Variants in SNTG1 observed in about 807,000 individuals in gnomAD.
SNTG1 encodes syntrophin gamma 1.
A neutral mutation model predicts 74.7 loss-of-function variants in SNTG1; 39 were observed. That is an observed-to-expected ratio of 0.52 (90% CI 0.40 to 0.68). The LOEUF (loss-of-function observed/expected upper bound fraction) is 0.68. Among genes scored for constraint, SNTG1 ranks in the 30% least tolerant of loss-of-function variants. The pLI, the probability that SNTG1 is intolerant of heterozygous loss-of-function variation, is 0.00. For synonymous variants in SNTG1, 254 were observed against 217.1 expected, an observed-to-expected ratio of 1.17 and a Z score of -1.49; for missense variants, 685 against 609.5, an observed-to-expected ratio of 1.12 and a Z score of -1.30.
intron 8 of SNTG1, among the ~76,000 whole-genome samples, chr8:50,485,805 T>A (rs1158522821): frequency 1.3e-5 from 2 of 150,628 alleles, no homozygotes; most frequent in African/African-American, 2.4e-5. Flanking sequence ...TGGTTTTAGG[T>A]CTAACGTTTA....
intron 13 of SNTG1, among the ~76,000 whole-genome samples, chr8:50,610,976 C>CG: frequency 6.6e-6 from 1 of 151,290 alleles, no homozygotes; most frequent in African/African-American, 2.4e-5. Context: ...TAAGAAATAG[C>CG]AAAAAAAAAT....
At chr8:50,241,934 C>A (rs953971002) in intron 2 of SNTG1, among the ~76,000 whole-genome samples, 2 of 151,940 alleles carry the variant, frequency 1.3e-5, no homozygotes, top group African/African-American at 4.8e-5. Flanking sequence ...GTTCTCACTG[C>A]AAACACTAAA....
intron 2 of SNTG1, among the ~76,000 whole-genome samples, chr8:50,357,976 GT>G (rs144014954): frequency 7.9e-5 from 12 of 151,156 alleles, no homozygotes; most frequent in African/African-American, 1.7e-4. Context: ...CCCTTTTTGT[GT>G]TTTTTTTTAC....
intron 9 of SNTG1, among the ~76,000 whole-genome samples, chr8:50,522,256 A>G (rs1271664368): frequency 6.6e-6 from 1 of 152,094 alleles, no homozygotes; most frequent in Admixed American, 6.6e-5. Context: ...GTCCAGGAAC[A>G]TTGTCAGTAA....
chr8:50,647,833 T>C (rs1237744061), intron 13 of SNTG1, among the ~76,000 whole-genome samples: 1 of 152,164 alleles, frequency 6.6e-6, no homozygotes, highest in East Asian at 1.9e-4. Flanking sequence ...ATTCTCCTTT[T>C]AATTCTACTT....
intron 1 of SNTG1, among the ~76,000 whole-genome samples, chr8:49,966,477 C>T (rs571784911): frequency 1.4e-4 from 21 of 151,978 alleles, no homozygotes; most frequent in Non-Finnish European, 1.5e-5. Context: ...TCACTGCAAC[C>T]TCAGCCTCCC....
chr8:50,512,276 G>A (rs1046855378), intron 9 of SNTG1, among the ~76,000 whole-genome samples: 7 of 151,780 alleles, frequency 4.6e-5, no homozygotes, highest in East Asian at 1.9e-4. Context: ...AGTTTCCACC[G>A]AGAGATCAGC....
intron 2 of SNTG1, among the ~76,000 whole-genome samples, chr8:50,285,618 C>T (rs2088726242): frequency 6.6e-6 from 1 of 152,050 alleles, no homozygotes; most frequent in African/African-American, 2.4e-5. Context: ...TCATTCATGT[C>T]TGTTTATCCA....
At chr8:50,101,886 A>T (rs1003610023) in intron 1 of SNTG1, among the ~76,000 whole-genome samples, 1 of 151,956 alleles carries the variant, frequency 6.6e-6, no homozygotes, top group African/African-American at 2.4e-5. Flanking sequence ...AAGGACACGA[A>T]CTCATCATTT....
intron 2 of SNTG1, among the ~76,000 whole-genome samples, chr8:50,182,892 C>A (rs2083256582): frequency 6.6e-6 from 1 of 152,082 alleles, no homozygotes; most frequent in African/African-American, 2.4e-5. Flanking sequence ...ATTAATTGTC[C>A]ATGAGGCAAA....
At chr8:50,026,204 T>C (rs555418324) in intron 1 of SNTG1, among the ~76,000 whole-genome samples, 4 of 152,242 alleles carry the variant, frequency 2.6e-5, no homozygotes, top group Admixed American at 1.3e-4. Context: ...ATTGAGTCCA[T>C]GTATACCTTG....
At chr8:49,960,514 C>A (rs558076220) in intron 1 of SNTG1, among the ~76,000 whole-genome samples, 6 of 151,776 alleles carry the variant, frequency 4.0e-5, no homozygotes, top group Non-Finnish European at 7.4e-5. Context: ...AAAAAGAAAT[C>A]TATTTCTTTG....
In SNTG1 at chr8:50,785,212, AG is replaced by A. The variant is rs531902425; in HGVS notation, c.1396-7458del. On this transcript the variant is annotated intron_variant, in intron 18 of 18. Transcript: ENST00000642720. ...ATTTAGACCAGAAATATATAAAAAA[AG>A]AATACATAAACAATTGAGAAAATTA... 9.0e-4 allele frequency among the ~76,000 whole-genome samples: 137 copies of A among 152,156 alleles called. 1 individual carries two copies. The highest frequency in any genetic ancestry group is 6.9e-3 in the Middle Eastern group (2 of 288).
chr8:50,018,692 G>C (rs1207370470), intron 1 of SNTG1, among the ~76,000 whole-genome samples: 2 of 151,952 alleles, frequency 1.3e-5, no homozygotes, highest in Non-Finnish European at 2.9e-5. Context: ...CCAAGAAAGT[G>C]AGAAAACAAT....
At chr8:50,093,072 A>T (rs2079798448) in intron 1 of SNTG1, among the ~76,000 whole-genome samples, 1 of 152,138 alleles carries the variant, frequency 6.6e-6, no homozygotes, top group African/African-American at 2.4e-5. Flanking sequence ...CATTGATTCT[A>T]GTTGTGGAGC....
chr8:50,114,104 C>A (rs1026532941), intron 1 of SNTG1, among the ~76,000 whole-genome samples: 2 of 151,970 alleles, frequency 1.3e-5, no homozygotes, highest in Non-Finnish European at 2.9e-5. Context: ...TAACAATTCA[C>A]CCACAAATAA....
chr8:50,770,081 G>A (rs1477361449), intron 18 of SNTG1, among the ~76,000 whole-genome samples: 2 of 152,042 alleles, frequency 1.3e-5, no homozygotes, highest in African/African-American at 4.8e-5. Flanking sequence ...CAAAACAATA[G>A]GTTGGATTCT....
At chr8:50,328,427 G>A (rs574652902) in intron 2 of SNTG1, among the ~76,000 whole-genome samples, 1 of 152,288 alleles carries the variant, frequency 6.6e-6, no homozygotes, top group Non-Finnish European at 1.5e-5. Context: ...AAGGATAAAG[G>A]TTTAATTGAC....
Position 50,114,596 on chromosome 8 carries a change from G to C in SNTG1, c.-102-57965G>C, listed in dbSNP as rs535140029. 1.1e-3 allele frequency among the ~76,000 whole-genome samples: 160 copies of C among 152,300 alleles called. 3 individuals are homozygous for C. The South Asian group carries it at 0.032, about 31-fold the overall frequency. On this transcript the variant is annotated intron_variant, in intron 1 of 18. Transcript: ENST00000642720. ...TTTAAGATGAACAAAGCCGGGCGCAGTGGCTCACACCTGTAATCCTAGCAC... is the reference window on the plus strand; with the variant it reads ...TTTAAGATGAACAAAGCCGGGCGCACTGGCTCACACCTGTAATCCTAGCAC...
Sources: gnomAD v4.1 joint callset for allele counts (sites outside exome capture counted in the v4.1 genomes callset) on GRCh38, gnomAD v4.1.1 for gene constraint, MANE v1.5 for transcripts, NCBI Gene and HGNC (gene_info 2026-07-23, HGNC 2026-07-21) for gene names.